Variants in TASOR2 observed in about 807,000 individuals in gnomAD.
TASOR2 encodes the protein transcription activation suppressor family member 2, also known as protein TASOR 2.
In TASOR2, 84 loss-of-function variants were observed where a neutral mutation model predicts 199.5. The observed-to-expected ratio is 0.42, with a 90% confidence interval of 0.35 to 0.50. The LOEUF (loss-of-function observed/expected upper bound fraction) is 0.50. Among genes scored for constraint, TASOR2 ranks in the 20% least tolerant of loss-of-function variants. The pLI is 0.02. For synonymous variants in TASOR2, 1,103 were observed against 1,046.6 expected (o/e 1.05, Z -1.04); for missense variants, 2,796 against 2,835.9 (o/e 0.99, Z 0.32).
chr10:5,701,520 G>T lies in TASOR2; in HGVS notation c.-287-11303G>T, dbSNP rs1467039620. Among the ~76,000 whole-genome samples the T allele has an allele frequency of 6.6e-6, 1 of 152,048 alleles. No homozygotes were observed. The highest frequency in any genetic ancestry group is 2.4e-5 in the African/African-American group (1 of 41,408). On this transcript the variant is annotated intron_variant, in intron 1 of 20. Transcript: ENST00000328090. The surrounding 1 kb of genome is among the most constrained non-coding windows in gnomAD (Gnocchi z 4.9). Reference sequence around the variant, plus strand: ...AAGAATGTCATTGGAATTTTGATAGGGATTGATTGCATTGAATCTGTAAAT... The same window carrying T: ...AAGAATGTCATTGGAATTTTGATAGTGATTGATTGCATTGAATCTGTAAAT...
At position 5,744,238 on chromosome 10, in the gene TASOR2, A is replaced by G. The variant is rs191404556; in HGVS notation, c.2757+1712A>G. Among the ~76,000 whole-genome samples, 33 of 152,294 alleles carry G rather than the reference A, an allele frequency of 2.2e-4. No homozygotes were observed. The East Asian group carries it at 6.2e-3, about 28-fold the overall frequency. ...GGACACTGACTCTCAAGACTTTTCTAATACTTTGTTCTCTTAAAACTCTGT... is the reference window on the plus strand; with the variant it reads ...GGACACTGACTCTCAAGACTTTTCTGATACTTTGTTCTCTTAAAACTCTGT... On this transcript the variant is annotated intron_variant, in intron 14 of 20. Coordinates refer to ENST00000328090, the Ensembl canonical transcript of TASOR2.
In TASOR2 at chr10:5,742,520, T is replaced by C. The variant is rs1322143797; in HGVS notation, c.2751T>C (p.Asn917=). 1.2e-6 allele frequency: 2 copies of C among 1,612,312 alleles called. No homozygotes were observed. Among genetic ancestry groups the C allele is most frequent in the Admixed American group, 3.4e-5 (2 of 59,628 alleles). ...ACCAGAATTTCATCTGTTCTTACAA[T>C]AATGAGGTATGTAAAGCTGAATACC... The change falls in exon 14 of 21, where the codon AAT becomes AAC. Residue 917 remains asparagine (N), a synonymous_variant. Coordinates refer to ENST00000328090, the Ensembl canonical transcript of TASOR2. This position sits in a 1 kb window ranked among gnomAD's most constrained non-coding sequence, Gnocchi z 4.2.
exon 16 of TASOR2, chr10:5,756,720 A>G (rs1187917250): frequency 4.3e-6 from 7 of 1,612,628 alleles, no homozygotes; most frequent in Non-Finnish European, 5.9e-6. Context: ...ATGAAGATAT[A>G]TCATCACATT....
intron 10 of TASOR2, among the ~76,000 whole-genome samples, chr10:5,727,571 A>T (rs1466194720): frequency 6.6e-6 from 1 of 152,154 alleles, no homozygotes; most frequent in Non-Finnish European, 1.5e-5. Flanking sequence ...AAAAAAAATT[A>T]CTCATACAGT....
chr10:5,716,361 TTA>T (rs1193709685), intron 2 of TASOR2, among the ~76,000 whole-genome samples: 1 of 152,162 alleles, frequency 6.6e-6, no homozygotes, highest in East Asian at 1.9e-4. Context: ...GTGGACATAA[TTA>T]TATATATCTT....
chr10:5,761,301 C>G, exon 19 of TASOR2: 1 of 1,612,592 alleles, frequency 6.2e-7, no homozygotes, highest in Non-Finnish European at 8.5e-7. Flanking sequence ...GTGGATTCAA[C>G]TGCACATAAG....
At chr10:5,744,544 C>G (rs1836900612) in intron 14 of TASOR2, among the ~76,000 whole-genome samples, 1 of 152,112 alleles carries the variant, frequency 6.6e-6, no homozygotes, top group Non-Finnish European at 1.5e-5. Context: ...CTTAGGCAAT[C>G]CACCTGCCTC....
rs201048262 is a variant in TASOR2, at chr10:5,762,528, A to C, written c.7175-4A>C. The C allele has an allele frequency of 2.4e-3, 1,421 of 590,274 alleles. 9 individuals carry two copies. The highest frequency in any genetic ancestry group is 3.1e-3 in the Admixed American group (64 of 20,800). The allele number at this position is 590,274 out of a possible 1,614,324, so 36.6% of individuals were successfully genotyped here. A position where few individuals can be genotyped will look rare whatever the true frequency, so the allele number is the denominator to read the frequency against. The stretch of plus-strand genomic sequence containing the variant: ...CAAAAGTTGTTTTTTTTTTTTTTTA[A>C]CAGACAAGCCTACTATCCCCAGAGA... On this transcript the variant is annotated splice_polypyrimidine_tract_variant and splice_region_variant and intron_variant, in intron 19 of 20. Coordinates refer to ENST00000328090, the Ensembl canonical transcript of TASOR2.
Position 5,754,832 on chromosome 10 carries a change from A to G in TASOR2, c.6607-1781A>G, listed in dbSNP as rs1333511743. ...GCCGAGGTGGGCGGATCACAAGGTC[A>G]GGAGATTGAGACCTTCCTGGCTAAC... On this transcript the variant is annotated intron_variant, in intron 15 of 20. Transcript: ENST00000328090. This position sits in a 1 kb window ranked among gnomAD's most constrained non-coding sequence, Gnocchi z 4.3. Among the ~76,000 whole-genome samples the G allele has an allele frequency of 2.0e-5, 3 of 151,548 alleles. No homozygotes were observed. The highest frequency in any genetic ancestry group is 2.1e-4 in the South Asian group (1 of 4,770).
At position 5,740,458 on chromosome 10, in the gene TASOR2, A is replaced by G. The variant is rs761048217; in HGVS notation, c.2288A>G (p.Asn763Ser). Reference sequence around the variant, plus strand: ...TTCAGTTTAGACAGCAAATATACCAACAACCCACTGGAGAAAACTGTAGTA... The same window carrying G: ...TTCAGTTTAGACAGCAAATATACCAGCAACCCACTGGAGAAAACTGTAGTA... The change falls in exon 13 of 21, where the codon AAC (asparagine) becomes AGC (serine). Residue 763 changes from asparagine (N) to serine (S), a missense_variant. Transcript: ENST00000328090. This position sits in a 1 kb window ranked among gnomAD's most constrained non-coding sequence, Gnocchi z 5.3. 7.4e-6 allele frequency: 12 copies of G among 1,613,712 alleles called. No homozygotes were observed. The South Asian group carries it at 1.3e-4, about 18-fold the overall frequency.
chr10:5,728,213 C>G (rs1834305491), intron 10 of TASOR2, among the ~76,000 whole-genome samples: 1 of 87,942 alleles, frequency 1.1e-5, no homozygotes, highest in African/African-American at 4.7e-5. Flanking sequence ...AGAGTGAGAC[C>G]CTGTTTCAAA....
chr10:5,748,999 G>C lies in TASOR2; in HGVS notation c.5578G>C (p.Asp1860His), dbSNP rs1284719562. 1.9e-6 allele frequency: 3 copies of C among 1,614,130 alleles called. No homozygotes were observed. The highest frequency in any genetic ancestry group is 2.5e-6 in the Non-Finnish European group (3 of 1,180,034). Residue 1860 changes from aspartate to histidine, a missense_variant, in exon 15 of 21, where the codon GAT becomes CAT. Asp to His is a moderately conservative substitution (Grantham distance 81). Coordinates refer to ENST00000328090, the Ensembl canonical transcript of TASOR2. The surrounding 1 kb of genome is among the most constrained non-coding windows in gnomAD (Gnocchi z 5.1). ...AAGAGGTAGTTACACCAGGAAAAAA[G>C]ATGTTCCCACAGATGGCTATGAGTC... is the stretch of plus-strand genomic sequence containing the variant.
At chr10:5,744,203 G>A (rs774439202) in intron 14 of TASOR2, 2 of 152,218 alleles carry the variant, frequency 1.3e-5, no homozygotes, top group Non-Finnish European at 2.9e-5. Flanking sequence ...GGCCATTAAA[G>A]TTCTCAGAAG....
chr10:5,746,419 GA>G lies in TASOR2; in HGVS notation c.3002del (p.Asn1001ThrfsTer27). 1 of 1,614,088 alleles carries G rather than the reference GA, an allele frequency of 6.2e-7. No individual in the cohort carries two copies. The highest frequency in any genetic ancestry group is 8.5e-7 in the Non-Finnish European group (1 of 1,180,026). ...TCAGAGCTCTGTGTACGGCACCCTTGAAAACAAAGTGGATATTCTTGATGCA... is the reference window on the plus strand; with the variant it reads ...TCAGAGCTCTGTGTACGGCACCCTTGAAACAAAGTGGATATTCTTGATGCA... On this transcript the variant is annotated frameshift_variant, in exon 15 of 21. Transcript: ENST00000328090. LOFTEE classifies it high-confidence loss of function.
chr10:5,735,209 C>T, intron 11 of TASOR2, 95 bp from the exon 13 acceptor site: 3 of 1,452,306 alleles, frequency 2.1e-6, no homozygotes, highest in Non-Finnish European at 2.8e-6. Context: ...AGTTACTGTC[C>T]CCAAAATAAA....
chr10:5,762,811 G>A, intron 20 of TASOR2, 165 bp downstream of exon 21: 1 of 631,368 alleles, frequency 1.6e-6, no homozygotes, highest in Non-Finnish European at 2.8e-6. Context: ...GGCATAAATA[G>A]GAATTCCTAA....
At position 5,749,205 on chromosome 10, in the gene TASOR2, C is replaced by G. The variant is rs781223800; in HGVS notation, c.5784C>G (p.Phe1928Leu). The G allele has an allele frequency of 5.0e-5, 80 of 1,613,998 alleles. No individual in the cohort carries two copies. The highest frequency in any genetic ancestry group is 6.3e-5 in the Non-Finnish European group (74 of 1,180,038). ...GGATCCTCAGGACTTACGCCAACTT[C>G]TCTATAACAAAAGAACTCAAAGATA... is the stretch of plus-strand genomic sequence containing the variant. Residue 1928 changes from phenylalanine to leucine, a missense_variant, in exon 15 of 21, where the codon TTC becomes TTG. Phe to Leu is a conservative substitution (Grantham distance 22). Transcript: ENST00000328090.
chr10:5,705,099 AAT>A (rs1357200055), intron 1 of TASOR2, among the ~76,000 whole-genome samples: 1 of 152,220 alleles, frequency 6.6e-6, no homozygotes, highest in African/African-American at 2.4e-5. Context: ...CACCAATAAA[AAT>A]AGTGTGTGTC....
intron 1 of TASOR2, among the ~76,000 whole-genome samples, chr10:5,691,968 A>G (rs1836475018): frequency 6.6e-6 from 1 of 152,188 alleles, no homozygotes. Flanking sequence ...AGTTGAGGTC[A>G]GGAGTTTGAG....
Sources: allele counts gnomAD v4.1 joint callset (sites outside exome capture counted in the v4.1 genomes callset), GRCh38; gene constraint gnomAD v4.1.1; non-coding constraint Gnocchi (gnomAD v3.1); transcripts MANE v1.5; gene names NCBI Gene and HGNC (gene_info 2026-07-23, HGNC 2026-07-21).